TACC2: variants seen among roughly 807,000 people sequenced by gnomAD.
TACC2 encodes transforming acidic coiled-coil-containing protein 2.
Under a neutral mutation model 227.3 loss-of-function variants are expected in TACC2, and 137 were observed. That is an observed-to-expected ratio of 0.60 (90% confidence interval 0.52 to 0.69). The LOEUF is 0.69. Ranked by LOEUF, TACC2 falls within the 30% of genes least tolerant of loss-of-function variation. The pLI, the probability that TACC2 is intolerant of heterozygous loss-of-function variation, is 0.00. For missense variants in TACC2, 3,470 were observed against 3,694.4 expected (o/e 0.94, Z 1.57); for synonymous variants, 1,523 against 1,487.5 (o/e 1.02, Z -0.55).
chr10:122,107,878 A>ATTTTTTTTTTTTTTTTTTTT (rs1204393563), intron 5 of TACC2, among the ~76,000 whole-genome samples: 5 of 88,450 alleles, frequency 5.7e-5, no homozygotes, highest in Non-Finnish European at 1.0e-4. Context: ...ATATATATAT[A>ATTTTTTTTTTTTTTTTTTTT]TATTTTTTTT....
rs1267979086 is a variant in TACC2 at position 122,227,984 on chromosome 10, C to T, written c.7872C>T (p.Gly2624=). The T allele has an allele frequency of 6.2e-7, 1 of 1,613,654 alleles. No homozygotes were observed. Among genetic ancestry groups the T allele is most frequent in the Non-Finnish European group, 8.5e-7 (1 of 1,180,000 alleles). ...SQKELEAMGL[G]TPSEAIEITA... The stretch of plus-strand genomic sequence containing the variant: ...AGGAGCTGGAGGCCATGGGCTTGGG[C>T]ACCCCTTCAGAAGCGATTGAAATTG... The change falls in exon 14 of 23, where the codon GGC becomes GGT. Residue 2624 remains glycine (G), a synonymous_variant. Transcript: ENST00000369005.
intron 7 of TACC2, among the ~76,000 whole-genome samples, chr10:122,174,384 C>T: frequency 6.6e-6 from 1 of 152,208 alleles, no homozygotes; most frequent in Non-Finnish European, 1.5e-5. Flanking sequence ...CCCTAGGTTT[C>T]TGGGCACATG....
intron 2 of TACC2, among the ~76,000 whole-genome samples, chr10:122,036,738 G>T (rs966198175): frequency 2.6e-5 from 4 of 152,138 alleles, no homozygotes; most frequent in African/African-American, 7.2e-5. Flanking sequence ...ATGCTGTGAT[G>T]AATATGGGTG....
chr10:122,125,322 A>C (rs1447539615), intron 5 of TACC2, among the ~76,000 whole-genome samples: 1 of 151,960 alleles, frequency 6.6e-6, no homozygotes, highest in South Asian at 2.1e-4. Context: ...CAGCCTCCCA[A>C]GTAGCTGAGA....
chr10:122,234,983 T>A (rs1555488), intron 16 of TACC2, among the ~76,000 whole-genome samples: 47,370 of 152,166 alleles, frequency 0.31, 8,318 homozygotes, highest in Middle Eastern at 0.48. Context: ...TGATGGTGAC[T>A]AATGTTGTTT....
At chr10:122,139,770 T>C (rs1177098399) in intron 6 of TACC2, among the ~76,000 whole-genome samples, 1 of 151,998 alleles carries the variant, frequency 6.6e-6, no homozygotes, top group African/African-American at 2.4e-5. Context: ...TTCCAGATGG[T>C]GATGTGAAAT....
intron 15 of TACC2, 27 bp from the exon 16 acceptor site, chr10:122,230,324 C>T (rs754456922): frequency 2.1e-5 from 33 of 1,585,944 alleles, no homozygotes; most frequent in South Asian, 5.5e-5. Context: ...CATTTCCCTG[C>T]GGTTTGCCCA....
chr10:122,019,656 T>C (rs4282928), intron 1 of TACC2: 10,961 of 152,356 alleles, frequency 0.072, 580 homozygotes, highest in African/African-American at 0.14. Context: ...GCTGATTCCC[T>C]GTGGGCAGGA....
At chr10:122,244,174 TC>T (rs2096062947) in intron 19 of TACC2, among the ~76,000 whole-genome samples, 1 of 152,052 alleles carries the variant, frequency 6.6e-6, no homozygotes, top group South Asian at 2.1e-4. Context: ...TCACCCCCCA[TC>T]CCCACCCCTG....
intron 12 of TACC2, 148 bp downstream of exon 12, chr10:122,224,935 C>A: frequency 1.5e-6 from 1 of 668,818 alleles, no homozygotes; most frequent in Non-Finnish European, 2.7e-6. Context: ...CAGTGATGGA[C>A]TGGGGCTGGG....
chr10:122,164,727 C>G (rs1398186853), intron 7 of TACC2, among the ~76,000 whole-genome samples: 1 of 152,204 alleles, frequency 6.6e-6, no homozygotes, highest in African/African-American at 2.4e-5. Flanking sequence ...TTGAATGGGT[C>G]TGCCGGCCGG....
chr10:122,061,751 G>T (rs1480957802), intron 3 of TACC2, among the ~76,000 whole-genome samples: 1 of 152,084 alleles, frequency 6.6e-6, no homozygotes, highest in East Asian at 1.9e-4. Context: ...CTAGAGAAAC[G>T]CATGCAAATG....
chr10:122,226,267 G>A (rs901680633), intron 12 of TACC2, 99 bp from the exon 13 acceptor site: 4 of 778,734 alleles, frequency 5.1e-6, no homozygotes, highest in Admixed American at 2.2e-5. Flanking sequence ...TTTCCCTGAT[G>A]GGTTATTTGT....
At chr10:122,080,202 C>T (rs2079288823) in intron 3 of TACC2, among the ~76,000 whole-genome samples, 1 of 143,324 alleles carries the variant, frequency 7.0e-6, no homozygotes, top group South Asian at 2.3e-4. Flanking sequence ...CCTGGTGTCT[C>T]TTCCTTTCCT....
chr10:122,169,465 C>T (rs924557453), intron 7 of TACC2, among the ~76,000 whole-genome samples: 9 of 152,166 alleles, frequency 5.9e-5, no homozygotes, highest in Non-Finnish European at 1.3e-4. Flanking sequence ...TGGGCCATTC[C>T]GTCTTTGTGC....
chr10:122,141,725 G>A lies in TACC2; in HGVS notation c.5700-1847G>A, dbSNP rs1009123216. Reference sequence around the variant, plus strand: ...TTTTCTAAGACAGAGATCCTTCCTTGCAGTTTGATAAACAGTACCCTTAAA... The same window carrying A: ...TTTTCTAAGACAGAGATCCTTCCTTACAGTTTGATAAACAGTACCCTTAAA... On this transcript the variant is annotated intron_variant, in intron 6 of 22. Transcript: ENST00000369005. The surrounding 1 kb of genome is among the most constrained non-coding windows in gnomAD (Gnocchi z 4.3). 6.6e-6 allele frequency among the ~76,000 whole-genome samples: 1 copy of A among 152,122 alleles called. No homozygotes were observed. The highest frequency in any genetic ancestry group is 1.9e-4 in the East Asian group (1 of 5,166).
chr10:122,177,230 C>A (rs890243928), intron 7 of TACC2, among the ~76,000 whole-genome samples: 1 of 152,064 alleles, frequency 6.6e-6, no homozygotes, highest in Admixed American at 6.6e-5. Context: ...GGTATTGTCC[C>A]GAGCCCCAAC....
At position 122,159,605 on chromosome 10, in the gene TACC2, C is replaced by G. The variant is rs537771201; in HGVS notation, c.5834+15899C>G. 4.2e-4 allele frequency among the ~76,000 whole-genome samples: 64 copies of G among 152,280 alleles called. 1 individual carries two copies. The highest frequency in any genetic ancestry group is 1.5e-3 in the African/African-American group (61 of 41,556). On this transcript the variant is annotated intron_variant, in intron 7 of 22. Coordinates refer to ENST00000369005, the MANE Select transcript of TACC2 (RefSeq NM_206862.4). ...AGGTGGAGTAACAAGATAACACTCT[C>G]AGAGACAGCCCAGAGCTGGTCTCAA... is the stretch of plus-strand genomic sequence containing the variant.
chr10:122,013,263 G>A (rs1359521491), intron 1 of TACC2, among the ~76,000 whole-genome samples: 2 of 152,146 alleles, frequency 1.3e-5, no homozygotes, highest in East Asian at 3.9e-4. Context: ...CAGGCTAAGG[G>A]GAGAGTGTGA....
Sources: gnomAD v4.1 joint callset for allele counts (sites outside exome capture counted in the v4.1 genomes callset) on GRCh38, gnomAD v4.1.1 for gene constraint, Gnocchi (gnomAD v3.1) non-coding constraint, MANE v1.5 for transcripts, NCBI Gene and HGNC (gene_info 2026-07-23, HGNC 2026-07-21) for gene names.